ALDH4A1: variants seen among roughly 807,000 people sequenced by gnomAD.
The protein encoded by ALDH4A1 is delta-1-pyrroline-5-carboxylate dehydrogenase, mitochondrial.
A neutral mutation model predicts 70.5 loss-of-function variants in ALDH4A1; 46 were observed. That is an observed-to-expected ratio of 0.65 (90% CI 0.51 to 0.83). The LOEUF is 0.83. ALDH4A1 is among the 40% of genes least tolerant of loss of function. The pLI, the probability that ALDH4A1 is intolerant of heterozygous loss-of-function variation, is 0.00. For missense variants in ALDH4A1, 749 were observed against 766.5 expected, an observed-to-expected ratio of 0.98 and a Z score of 0.27; for synonymous variants, 323 against 324.3, an observed-to-expected ratio of 1.00 and a Z score of 0.04.
chr1:18,887,816 C>A (rs1935276959), intron 3 of ALDH4A1, among the ~76,000 whole-genome samples: 1 of 152,204 alleles, frequency 6.6e-6, no homozygotes, highest in Admixed American at 6.5e-5. Flanking sequence ...GCTGGTCCCC[C>A]ACTTCCTCAG....
intron 3 of ALDH4A1, among the ~76,000 whole-genome samples, chr1:18,888,815 C>T (rs940066044): frequency 3.3e-5 from 5 of 152,244 alleles, no homozygotes; most frequent in African/African-American, 1.2e-4. Context: ...GAGTGGGGGA[C>T]CTGGGTCCTC....
Position 18,902,543 on chromosome 1 carries a change from T to C in ALDH4A1, c.-20A>G, listed in dbSNP as rs1935839555. 2.0e-6 allele frequency: 3 copies of C among 1,481,808 alleles called. No homozygotes were observed. The highest frequency in any genetic ancestry group is 2.2e-5 in the Admixed American group (1 of 46,434). 91.8% of individuals were successfully genotyped at this position (1,481,808 alleles called of 1,614,324 possible). ...CAGCATCTCGGGTTAGAAGCGGGGC[T>C]GTTCGCTGGATCGTCCGCCCGGGCG... On this transcript the variant is annotated 5_prime_UTR_variant, in exon 1 of 15. Transcript: ENST00000375341.
chr1:18,879,206 G>A, intron 9 of ALDH4A1, 94 bp downstream of exon 9: 1 of 1,293,566 alleles, frequency 7.7e-7, no homozygotes, highest in Non-Finnish European at 1.1e-6. Context: ...CACCTGACTT[G>A]TGGCTGGATC....
intron 11 of ALDH4A1, 108 bp from the exon 12 acceptor site, chr1:18,876,575 C>T: frequency 1.5e-6 from 2 of 1,312,046 alleles, no homozygotes; most frequent in Non-Finnish European, 1.0e-6. Context: ...GGCCCAACTC[C>T]TGAAACAGGG....
Position 18,889,275 on chromosome 1 carries a change from C to A in ALDH4A1, c.249+87G>T. On this transcript the variant is annotated intron_variant, in intron 3 of 14. Transcript: ENST00000375341. The stretch of plus-strand genomic sequence containing the variant: ...CACTATAAAGGCCTTGAAGTCAGAG[C>A]CCACACATTATAAGCTTACGAGCTG... 1.4e-5 allele frequency: 18 copies of A among 1,252,132 alleles called. No homozygotes were observed. The South Asian group carries it at 2.3e-4, about 16-fold the overall frequency. 77.6% of individuals were successfully genotyped at this position (1,252,132 alleles called of 1,614,324 possible).
At position 18,871,540 on chromosome 1, in the gene ALDH4A1, C is replaced by G. The variant is rs1934436929; in HGVS notation, c.*1305G>C. The stretch of plus-strand genomic sequence containing the variant: ...CCAGCCTGTGCCCCCACCCAGCCAC[C>G]TGCCCCGGCCCCTCATGGGAAATGA... On this transcript the variant is annotated 3_prime_UTR_variant, in exon 15 of 15. Coordinates refer to ENST00000375341, the MANE Select transcript of ALDH4A1 (RefSeq NM_003748.4). 6.6e-6 allele frequency: 1 copy of G among 152,386 alleles called. No homozygotes were observed. Among genetic ancestry groups the G allele is most frequent in the Non-Finnish European group, 1.5e-5 (1 of 68,184 alleles). 9.4% of individuals were successfully genotyped at this position (152,386 alleles called of 1,614,324 possible).
rs1224134775 is a variant in ALDH4A1 at position 18,891,147 on chromosome 1, G to A, written c.63-1042C>T. ...GGACGCTGGGGTCAGTCATTCCAGA[G>A]CTGGAGCCTCAGCCCTGCCACCTCC... On this transcript the variant is annotated intron_variant, in intron 1 of 14. Transcript: ENST00000375341. 7.2e-5 allele frequency among the ~76,000 whole-genome samples: 11 copies of A among 152,326 alleles called. No homozygotes were observed. In the East Asian group the frequency reaches 1.5e-3, roughly 21 times the overall value.
At chr1:18,893,379 C>A (rs1935508746) in intron 1 of ALDH4A1, among the ~76,000 whole-genome samples, 1 of 152,186 alleles carries the variant, frequency 6.6e-6, no homozygotes, top group Non-Finnish European at 1.5e-5. Context: ...CTGAGTCATG[C>A]CCTTTGCATC....
chr1:18,888,859 C>T (rs998602749), intron 3 of ALDH4A1, among the ~76,000 whole-genome samples: 4 of 152,206 alleles, frequency 2.6e-5, no homozygotes, highest in Non-Finnish European at 4.4e-5. Context: ...CACACGTCTG[C>T]CCAGGGTTTC....
chr1:18,897,053 T>A (rs1174806518), intron 1 of ALDH4A1: 1 of 534,318 alleles, frequency 1.9e-6, no homozygotes, highest in East Asian at 5.5e-5. Context: ...CATAAGCGTA[T>A]GAGGAACGCA....
chr1:18,901,199 C>A (rs1935785897), intron 1 of ALDH4A1, among the ~76,000 whole-genome samples: 2 of 152,164 alleles, frequency 1.3e-5, no homozygotes, highest in Admixed American at 6.5e-5. Context: ...AAGTGTGGCC[C>A]CAGTCTCAGC....
chr1:18,897,440 G>A (rs982678288), intron 1 of ALDH4A1, among the ~76,000 whole-genome samples: 1 of 152,192 alleles, frequency 6.6e-6, no homozygotes, highest in Non-Finnish European at 1.5e-5. Context: ...CTACTTAGGA[G>A]GCTGAGGTAG....
At chr1:18,886,417 G>A (rs1026423386) in intron 4 of ALDH4A1, 47 bp downstream of exon 4, 5 of 1,603,184 alleles carry the variant, frequency 3.1e-6, no homozygotes, top group Non-Finnish European at 4.3e-6. Context: ...GGCAGAGCAG[G>A]GGCAGCAACC....
Position 18,885,304 on chromosome 1 carries a change from C to A in ALDH4A1, c.453+169G>T. 4.5e-6 allele frequency: 3 copies of A among 661,950 alleles called. No individual in the cohort carries two copies. The South Asian group carries it at 5.6e-5, about 12-fold the overall frequency. The allele number at this position is 661,950 out of a possible 1,614,324, so 41.0% of individuals were successfully genotyped here. A position where few individuals can be genotyped will look rare whatever the true frequency, so the allele number is the denominator to read the frequency against. ...TGCACAATCTGTCTCGCCTAATAAT[C>A]TGTGATCATCCATCCCAGCTCCTAG... On this transcript the variant is annotated intron_variant, in intron 5 of 14. Coordinates refer to ENST00000375341, the MANE Select transcript of ALDH4A1 (RefSeq NM_003748.4).
rs1398203030 is a variant in ALDH4A1 at position 18,879,295 on chromosome 1, C to T, written c.940+5G>A. On this transcript the variant is annotated splice_donor_5th_base_variant and intron_variant, in intron 9 of 14. Coordinates refer to ENST00000375341, the MANE Select transcript of ALDH4A1 (RefSeq NM_003748.4). ...CACGGGAGGAGGAGGTGAGGCAGGCCTTACCTCCAGCCAGGCGTGGGAAGG... is the reference window on the plus strand; with the variant it reads ...CACGGGAGGAGGAGGTGAGGCAGGCTTTACCTCCAGCCAGGCGTGGGAAGG... The T allele has an allele frequency of 4.4e-6, 7 of 1,605,600 alleles. No individual in the cohort carries two copies. Among genetic ancestry groups the T allele is most frequent in the Non-Finnish European group, 6.0e-6 (7 of 1,176,204 alleles).
intron 13 of ALDH4A1, 70 bp from the exon 14 acceptor site, chr1:18,874,651 A>C: frequency 6.8e-7 from 1 of 1,469,086 alleles, no homozygotes; most frequent in African/African-American, 1.4e-5. Flanking sequence ...CAGCCTCAAC[A>C]CCCCTGCTCC....
intron 12 of ALDH4A1, 108 bp downstream of exon 12, chr1:18,876,207 T>G: frequency 6.9e-7 from 1 of 1,454,272 alleles, no homozygotes; most frequent in South Asian, 1.2e-5. Context: ...GGGTCTCCCT[T>G]TAGGGCCTCA....
chr1:18,874,335 C>T lies in ALDH4A1; in HGVS notation c.1579+128G>A, dbSNP rs528727213. 3.0e-5 allele frequency: 26 copies of T among 873,202 alleles called. No individual in the cohort carries two copies. In the Middle Eastern group the frequency reaches 6.8e-4, roughly 23 times the overall value. The allele number at this position is 873,202 out of a possible 1,614,324, so 54.1% of individuals were successfully genotyped here. A position where few individuals can be genotyped will look rare whatever the true frequency, so the allele number is the denominator to read the frequency against. On this transcript the variant is annotated intron_variant, in intron 14 of 14. Coordinates refer to ENST00000375341, the MANE Select transcript of ALDH4A1 (RefSeq NM_003748.4). ...GCTGAAAGGACCCTGAGCTAGTGCA[C>T]TTGCTTGGCCCACAATAAGTGCTCA...
chr1:18,881,373 C>T (rs577020581), intron 8 of ALDH4A1, among the ~76,000 whole-genome samples: 6 of 152,324 alleles, frequency 3.9e-5, no homozygotes, highest in African/African-American at 1.4e-4. Flanking sequence ...TCTGTGCTCC[C>T]CTGTGCCCTT....
Sources: allele counts gnomAD v4.1 joint callset (sites outside exome capture counted in the v4.1 genomes callset), GRCh38; gene constraint gnomAD v4.1.1; transcripts MANE v1.5; gene names NCBI Gene and HGNC (gene_info 2026-07-23, HGNC 2026-07-21).